Variants in PKD1L1 observed in about 807,000 individuals in gnomAD.
PKD1L1 encodes the protein polycystin 1 like 1, transient receptor potential channel interacting, also known as polycystin-1-like protein 1.
PKD1L1 carries 236 observed loss-of-function variants against 323.4 expected under a neutral mutation model. That is an observed-to-expected ratio of 0.73 (90% CI 0.66 to 0.81). PKD1L1 has a LOEUF of 0.81. Ranked by LOEUF, PKD1L1 falls within the 40% of genes least tolerant of loss-of-function variation. PKD1L1 has a pLI of 0.00. For missense variants in PKD1L1, 3,320 were observed against 3,508.0 expected (o/e 0.95, Z 1.35); for synonymous variants, 1,344 against 1,335.0 (o/e 1.01, Z -0.15).
chr7:47,888,069 C>T lies in PKD1L1; in HGVS notation c.2757G>A (p.Glu919=). Reference sequence around the variant, plus strand: ...ACAGATTCGGTATTTCACTGCAGTCCTCACACATAGCTTGAAGAGAGAGTT... The same window carrying T: ...ACAGATTCGGTATTTCACTGCAGTCTTCACACATAGCTTGAAGAGAGAGTT... ...NDELSLQAMC[E]DCSEIPNLSY... Residue 919 remains glutamate, a synonymous_variant, in exon 17 of 57, where the codon GAG becomes GAA. Coordinates refer to ENST00000289672, the MANE Select transcript of PKD1L1 (RefSeq NM_138295.5). 6.2e-7 allele frequency: 1 copy of T among 1,613,866 alleles called. No individual in the cohort carries two copies. Among genetic ancestry groups the T allele is most frequent in the African/African-American group, 1.3e-5 (1 of 74,990 alleles).
At chr7:47,803,081 A>G (rs894757811) in intron 53 of PKD1L1, 129 bp downstream of exon 53, 1 of 1,146,164 alleles carries the variant, frequency 8.7e-7, no homozygotes, top group Non-Finnish European at 1.3e-6. Context: ...ACTGTAAGGG[A>G]TTAGAAGACT....
At chr7:47,933,787 ACT>A in intron 4 of PKD1L1, among the ~76,000 whole-genome samples, 1 of 152,176 alleles carries the variant, frequency 6.6e-6, no homozygotes, top group African/African-American at 2.4e-5. Context: ...ACACGCGCAC[ACT>A]CTTCCACTAT....
intron 54 of PKD1L1, among the ~76,000 whole-genome samples, chr7:47,798,212 G>A (rs1784583976): frequency 1.3e-5 from 2 of 152,186 alleles, no homozygotes; most frequent in Non-Finnish European, 2.9e-5. Flanking sequence ...GACCTCATGG[G>A]ATTGGCTAAA....
rs746474575 is a variant in PKD1L1 at position 47,808,343 on chromosome 7, G to C, written c.7731C>G (p.Gly2577=). The C allele has an allele frequency of 6.2e-7, 1 of 1,614,160 alleles. No individual in the cohort carries two copies. Among genetic ancestry groups the C allele is most frequent in the Middle Eastern group, 1.7e-4 (1 of 6,054 alleles). ...GVSLTYYAVS[G]HLVTLAGDVT... The stretch of plus-strand genomic sequence containing the variant: ...CATCTCCAGCAAGAGTAACAAGGTG[G>C]CCGGAAACTGCATAGTAGGTGAGGC... Residue 2577 remains glycine (G), a synonymous_variant, in exon 52 of 57, where the codon GGC becomes GGG. Transcript: ENST00000289672.
At position 47,908,176 on chromosome 7, in the gene PKD1L1, C is replaced by T. The variant is rs1261273817; in HGVS notation, c.1303G>A (p.Val435Met). The change falls in exon 9 of 57, where the codon GTG becomes ATG. Residue 435 changes from valine (V) to methionine (M), a missense_variant. Val to Met is a conservative substitution (Grantham distance 21). Coordinates refer to ENST00000289672, the MANE Select transcript of PKD1L1 (RefSeq NM_138295.5). ...GTEVELGPYY[V>M]EIGHEAVSAF... ...GACACGGCCTCATGGCCAATCTCCA[C>T]ATAATAAGGCCCAAGCTCCACTTCG... 3.1e-6 allele frequency: 5 copies of T among 1,614,188 alleles called. No homozygotes were observed. Among genetic ancestry groups the T allele is most frequent in the East Asian group, 4.5e-5 (2 of 44,890 alleles).
intron 56 of PKD1L1, among the ~76,000 whole-genome samples, chr7:47,788,413 C>T (rs1323100981): frequency 2.0e-5 from 3 of 150,116 alleles, no homozygotes; most frequent in South Asian, 2.1e-4. Flanking sequence ...GCCTCAGCCT[C>T]CTGAGTAGTG....
At chr7:47,897,029 C>T (rs1375957433) in intron 14 of PKD1L1, among the ~76,000 whole-genome samples, 1 of 152,242 alleles carries the variant, frequency 6.6e-6, no homozygotes, top group Non-Finnish European at 1.5e-5. Flanking sequence ...TATGCTAAGC[C>T]TGGTCTGCAG....
At chr7:47,818,506 C>T (rs971340021) in intron 46 of PKD1L1, among the ~76,000 whole-genome samples, 5 of 152,132 alleles carry the variant, frequency 3.3e-5, no homozygotes, top group African/African-American at 7.2e-5. Flanking sequence ...CACTTGCTTC[C>T]CTATTGGAAT....
the PKD1L1 span, among the ~76,000 whole-genome samples, chr7:47,959,915 T>C: frequency 6.6e-6 from 1 of 151,658 alleles, no homozygotes; most frequent in African/African-American, 2.4e-5. Flanking sequence ...ATGGCGGTTT[T>C]GTGGAATAGA....
At chr7:47,823,741 A>G (rs940854650) in intron 45 of PKD1L1, among the ~76,000 whole-genome samples, 1 of 152,126 alleles carries the variant, frequency 6.6e-6, no homozygotes, top group African/African-American at 2.4e-5. Context: ...CTCTAATTCT[A>G]TTACCTGGTC....
At chr7:47,798,038 A>G (rs974982034) in intron 54 of PKD1L1, among the ~76,000 whole-genome samples, 1 of 152,246 alleles carries the variant, frequency 6.6e-6, no homozygotes, top group African/African-American at 2.4e-5. Context: ...TTATAATTCC[A>G]CAGCAAGTTC....
chr7:47,892,409 C>T (rs543021142), intron 15 of PKD1L1, among the ~76,000 whole-genome samples: 1 of 152,254 alleles, frequency 6.6e-6, no homozygotes, highest in African/African-American at 2.4e-5. Flanking sequence ...ACAGCTGAAG[C>T]TGCAATGGGT....
chr7:47,943,014 C>T (rs59920101), intron 2 of PKD1L1, among the ~76,000 whole-genome samples: 18,371 of 151,410 alleles, frequency 0.12, 1,244 homozygotes, highest in East Asian at 0.24. Context: ...GGCGTGGTGG[C>T]GGACGCCTGT....
At chr7:47,889,056 C>A (rs1300323452) in intron 16 of PKD1L1, among the ~76,000 whole-genome samples, 1 of 152,048 alleles carries the variant, frequency 6.6e-6, no homozygotes, top group African/African-American at 2.4e-5. Flanking sequence ...GTGGGAGAGG[C>A]CACACAGCGT....
chr7:47,857,721 G>A lies in PKD1L1; in HGVS notation c.4474C>T (p.Pro1492Ser). Residue 1492 changes from proline (P) to serine (S), a missense_variant, in exon 28 of 57, where the codon CCT becomes TCT. Pro to Ser is a moderately conservative substitution (Grantham distance 74). Coordinates refer to ENST00000289672, the MANE Select transcript of PKD1L1 (RefSeq NM_138295.5). ...GGACTGTGCCCAGCAAGGTCACCAG[G>A]TAAATGCACCTGGACAGATCCCAGG... ...QSLGSVQVHL[P>S]GDLAGHSPAG... 1 of 1,614,068 alleles carries A rather than the reference G, an allele frequency of 6.2e-7. No individual in the cohort carries two copies. The highest frequency in any genetic ancestry group is 1.1e-5 in the South Asian group (1 of 91,078).
intron 7 of PKD1L1, among the ~76,000 whole-genome samples, chr7:47,924,212 A>G (rs1787613694): frequency 6.6e-6 from 1 of 152,168 alleles, no homozygotes; most frequent in African/African-American, 2.4e-5. Context: ...GGGGTTTTGT[A>G]AAAGTACTTT....
intron 49 of PKD1L1, among the ~76,000 whole-genome samples, chr7:47,812,415 C>T (rs960105709): frequency 7.9e-5 from 12 of 152,052 alleles, no homozygotes; most frequent in African/African-American, 2.9e-4. Context: ...TTCTAGAGAC[C>T]CCACTGTTTG....
At chr7:47,947,681 A>G (rs2128760275) in intron 1 of PKD1L1, among the ~76,000 whole-genome samples, 2 of 152,334 alleles carry the variant, frequency 1.3e-5, no homozygotes, top group South Asian at 4.1e-4. Context: ...AATAAGACCC[A>G]TGGAGGCTGG....
At chr7:47,855,561 T>C (rs905327821) in intron 28 of PKD1L1, among the ~76,000 whole-genome samples, 1 of 152,130 alleles carries the variant, frequency 6.6e-6, no homozygotes, top group African/African-American at 2.4e-5. Context: ...TTGTAGATAA[T>C]CAGGAAGGTA....
Sources: gnomAD v4.1 joint callset for allele counts (sites outside exome capture counted in the v4.1 genomes callset) on GRCh38, gnomAD v4.1.1 for gene constraint, MANE v1.5 for transcripts, NCBI Gene and HGNC (gene_info 2026-07-23, HGNC 2026-07-21) for gene names.